WDHD1: variants seen among roughly 807,000 people sequenced by gnomAD.
WDHD1 encodes WD repeat and HMG-box DNA-binding protein 1.
Under a neutral mutation model 135.4 loss-of-function variants are expected in WDHD1, and 111 were observed. The observed-to-expected ratio is 0.82, with a 90% confidence interval of 0.70 to 0.96. The LOEUF is 0.96. Ranked by LOEUF, WDHD1 falls within the 40% of genes least tolerant of loss-of-function variation. The probability of loss-of-function intolerance (pLI) is 0.00; values close to 1 mark genes in which losing one functional copy is unlikely to be tolerated. For missense variants in WDHD1, 1,351 were observed against 1,336.3 expected, an observed-to-expected ratio of 1.01 and a Z score of -0.17; for synonymous variants, 434 against 439.0, an observed-to-expected ratio of 0.99 and a Z score of 0.14.
chr14:54,947,626 C>T (rs573032406), intron 24 of WDHD1, among the ~76,000 whole-genome samples: 6 of 152,068 alleles, frequency 3.9e-5, no homozygotes, highest in Non-Finnish European at 7.4e-5. Context: ...GAGTCTCACT[C>T]TGTTGCCCAG....
rs1444882575 is a variant in WDHD1, at chr14:54,940,267, G to A, written c.*1223C>T. On this transcript the variant is annotated 3_prime_UTR_variant, in exon 26 of 26. Transcript: ENST00000360586. ...ACTATTAGTAGTAGGTAGAGAAGCG[G>A]GTCTCCGAACCTAGGTAATCTGGCT... 1 of 152,060 alleles carries A rather than the reference G, an allele frequency of 6.6e-6. No homozygotes were observed. The highest frequency in any genetic ancestry group is 2.4e-5 in the African/African-American group (1 of 41,372). The allele number at this position is 152,060 out of a possible 1,614,324, so 9.4% of individuals were successfully genotyped here. A position where few individuals can be genotyped will look rare whatever the true frequency, so the allele number is the denominator to read the frequency against.
At chr14:55,010,518 C>G in intron 3 of WDHD1, 58 bp from the exon 4 acceptor site, 1 of 1,367,536 alleles carries the variant, frequency 7.3e-7, no homozygotes, top group East Asian at 2.7e-5. Context: ...GACTGGGAGT[C>G]TCTCCATAGT....
rs1200103323 is a variant in WDHD1 at position 54,939,758 on chromosome 14, GT to G, written c.*1731del. The G allele has an allele frequency of 6.6e-6, 1 of 152,152 alleles. No individual in the cohort carries two copies. The allele number at this position is 152,152 out of a possible 1,614,324, so 9.4% of individuals were successfully genotyped here. A position where few individuals can be genotyped will look rare whatever the true frequency, so the allele number is the denominator to read the frequency against. The stretch of plus-strand genomic sequence containing the variant: ...AGTAAAAACCCTTTTGTAAATCCTT[GT>G]TATTAGGTTGCTATGAATCTGAAAT... On this transcript the variant is annotated 3_prime_UTR_variant, in exon 26 of 26. Coordinates refer to ENST00000360586, the MANE Select transcript of WDHD1 (RefSeq NM_007086.4).
intron 7 of WDHD1, 128 bp from the exon 8 acceptor site, chr14:55,002,313 T>C: frequency 1.5e-6 from 1 of 666,654 alleles, no homozygotes; most frequent in Non-Finnish European, 2.5e-6. Context: ...ATTGTTTCTG[T>C]TTTTAAGAGA....
chr14:54,946,240 G>A (rs1363734490), intron 24 of WDHD1, among the ~76,000 whole-genome samples: 1 of 152,156 alleles, frequency 6.6e-6, no homozygotes, highest in East Asian at 1.9e-4. Context: ...TTAAAGAGAC[G>A]TGAGTCTCAC....
chr14:54,960,716 G>C (rs2041238070), intron 21 of WDHD1, among the ~76,000 whole-genome samples: 1 of 150,616 alleles, frequency 6.6e-6, no homozygotes, highest in African/African-American at 2.4e-5. Flanking sequence ...ATTTTGGCCA[G>C]GCTGGTCTTG....
intron 18 of WDHD1, 120 bp downstream of exon 18, chr14:54,966,355 C>CAAAAAA: frequency 1.4e-5 from 17 of 1,195,002 alleles, no homozygotes; most frequent in South Asian, 1.9e-5. Flanking sequence ...ACAACAACAA[C>CAAAAAA]AAAAAAAAAC....
intron 12 of WDHD1, 152 bp from the exon 13 acceptor site, chr14:54,989,364 G>T: frequency 1.9e-6 from 1 of 529,450 alleles, no homozygotes; most frequent in Non-Finnish European, 3.2e-6. Context: ...TCTCTAAATA[G>T]TTTCTGACAG....
intron 16 of WDHD1, among the ~76,000 whole-genome samples, chr14:54,977,164 T>A (rs963198042): frequency 6.6e-6 from 1 of 152,124 alleles, no homozygotes; most frequent in African/African-American, 2.4e-5. Context: ...TTTTCTCATA[T>A]GTAAAAATTG....
chr14:55,024,128 C>A (rs1044144907), intron 2 of WDHD1, among the ~76,000 whole-genome samples: 2 of 152,088 alleles, frequency 1.3e-5, no homozygotes, highest in African/African-American at 4.8e-5. Context: ...AAAAAATCCA[C>A]GTATAAGTAG....
At chr14:54,966,050 T>TGGG (rs1325553298) in intron 18 of WDHD1, among the ~76,000 whole-genome samples, 1 of 149,190 alleles carries the variant, frequency 6.7e-6, no homozygotes, top group Non-Finnish European at 1.5e-5. Context: ...TAAGAATGGC[T>TGGG]GGGTGTGGTG....
Position 54,946,074 on chromosome 14 carries a change from A to G in WDHD1, c.3051-1604T>C, listed in dbSNP as rs139758936. ...AATCAAAACAAGTAAAAATCAAGGT[A>G]TAACAAAGGTTCCTGAATTTCCAAA... On this transcript the variant is annotated intron_variant, in intron 24 of 25. Transcript: ENST00000360586. Among the ~76,000 whole-genome samples, 906 of 152,370 alleles carry G rather than the reference A, an allele frequency of 5.9e-3. 3 individuals are homozygous for G. The highest frequency in any genetic ancestry group is 0.017 in the Middle Eastern group (5 of 294).
At chr14:55,023,706 GTT>G (rs1466088810) in intron 2 of WDHD1, among the ~76,000 whole-genome samples, 2 of 152,196 alleles carry the variant, frequency 1.3e-5, no homozygotes, top group Non-Finnish European at 2.9e-5. Flanking sequence ...ATCATACAGT[GTT>G]TTAAGCAGAT....
In WDHD1 at chr14:54,963,147, A is replaced by T; in HGVS notation, c.2336T>A (p.Phe779Tyr). 2 of 1,179,022 alleles carry T rather than the reference A, an allele frequency of 1.7e-6. No homozygotes were observed. Among genetic ancestry groups the T allele is most frequent in the Non-Finnish European group, 2.3e-6 (2 of 871,806 alleles). 73.0% of individuals were successfully genotyped at this position (1,179,022 alleles called of 1,614,324 possible). Reference sequence around the variant, plus strand: ...TAGATCAGCAAGTTCCACACAACGGAATTCTCGCTCCAGTTTACAAGAAAG... The same window carrying T: ...TAGATCAGCAAGTTCCACACAACGGTATTCTCGCTCCAGTTTACAAGAAAG... ...LALSCKLERE[F>Y]RCVELADLMT... The change falls in exon 19 of 26, where the codon TTC (phenylalanine) becomes TAC (tyrosine). Residue 779 changes from phenylalanine (F) to tyrosine (Y), a missense_variant. Phe to Tyr is a conservative substitution (Grantham distance 22). Coordinates refer to ENST00000360586, the MANE Select transcript of WDHD1 (RefSeq NM_007086.4).
intron 15 of WDHD1, among the ~76,000 whole-genome samples, chr14:54,982,067 C>T (rs1467412173): frequency 2.0e-5 from 3 of 151,556 alleles, no homozygotes; most frequent in African/African-American, 4.9e-5. Flanking sequence ...AGGGCAGTGG[C>T]GCGATCTCGG....
chr14:54,984,941 A>AT (rs2041674213), intron 14 of WDHD1, 81 bp from the exon 15 acceptor site: 15 of 1,554,108 alleles, frequency 9.7e-6, no homozygotes, highest in Non-Finnish European at 9.6e-6. Context: ...CTGTGAATTG[A>AT]TTTTGTGGTA....
rs8004402 is a variant in WDHD1, at chr14:54,949,104, C to G, written c.3051-4634G>C. On this transcript the variant is annotated intron_variant, in intron 24 of 25. Coordinates refer to ENST00000360586, the MANE Select transcript of WDHD1 (RefSeq NM_007086.4). ...CTAAAAATCAGAGCACCTCTCCCCC[C>G]CCAAAGGAACGCAGCTCCTCACCAG... 1.2e-4 allele frequency among the ~76,000 whole-genome samples: 19 copies of G among 152,032 alleles called. 1 individual carries two copies. The South Asian group carries it at 1.5e-3, about 12-fold the overall frequency.
chr14:54,948,187 C>A (rs1435466594), intron 24 of WDHD1, among the ~76,000 whole-genome samples: 1 of 152,090 alleles, frequency 6.6e-6, no homozygotes, highest in Non-Finnish European at 1.5e-5. Flanking sequence ...CTCACTAGGG[C>A]TTGTCGGACA....
At chr14:54,949,940 T>C (rs1390735008) in intron 24 of WDHD1, among the ~76,000 whole-genome samples, 1 of 152,022 alleles carries the variant, frequency 6.6e-6, no homozygotes, top group Non-Finnish European at 1.5e-5. Context: ...GACAAGCAAA[T>C]GCTGAGAGAT....
Sources: allele counts gnomAD v4.1 joint callset (sites outside exome capture counted in the v4.1 genomes callset), GRCh38; gene constraint gnomAD v4.1.1; transcripts MANE v1.5; gene names NCBI Gene and HGNC (gene_info 2026-07-23, HGNC 2026-07-21).